The following SEC62 variants were observed in gnomAD, a reference collection of about 807,000 sequenced individuals.
SEC62 encodes the protein translocation protein SEC62.
A neutral mutation model predicts 47.5 loss-of-function variants in SEC62; 10 were observed. That is an observed-to-expected ratio of 0.21 (90% CI 0.13 to 0.36). The LOEUF (loss-of-function observed/expected upper bound fraction) is 0.36. Ranked by LOEUF, SEC62 falls within the 10% of genes least tolerant of loss-of-function variation. The pLI, the probability that SEC62 is intolerant of heterozygous loss-of-function variation, is 1.00. For synonymous variants in SEC62, 136 were observed against 150.5 expected, an observed-to-expected ratio of 0.90 and a Z score of 0.71; for missense variants, 327 against 464.1, an observed-to-expected ratio of 0.70 and a Z score of 2.71.
intron 1 of SEC62, among the ~76,000 whole-genome samples, chr3:169,975,280 C>CAA (rs5854360): frequency 1.3e-3 from 91 of 70,522 alleles, no homozygotes; most frequent in East Asian, 2.2e-3. Flanking sequence ...GACTCCATCT[C>CAA]AAAAAAAAAA....
rs146851928 is a variant in SEC62, at chr3:169,997,420, CTT to C, written c.*4359_*4360del. ...TCATTTTCAATGATTTCCTAGATCACTTTAACTTTTTTGTGTCATGGACTCCT... is the reference window on the plus strand; with the variant it reads ...TCATTTTCAATGATTTCCTAGATCACTAACTTTTTTGTGTCATGGACTCCT... On this transcript the variant is annotated 3_prime_UTR_variant, in exon 8 of 8. Coordinates refer to ENST00000337002, the MANE Select transcript of SEC62 (RefSeq NM_003262.4). 9.4e-4 allele frequency: 143 copies of C among 152,248 alleles called. 1 individual carries two copies. The highest frequency in any genetic ancestry group is 3.4e-3 in the African/African-American group (143 of 41,534). 9.4% of individuals were successfully genotyped at this position (152,248 alleles called of 1,614,324 possible). A position where few individuals can be genotyped will look rare whatever the true frequency, so the allele number is the denominator to read the frequency against.
chr3:169,967,166 G>T (rs1714551102), intron 1 of SEC62, among the ~76,000 whole-genome samples: 1 of 152,190 alleles, frequency 6.6e-6, no homozygotes, highest in Admixed American at 6.5e-5. Flanking sequence ...CGCTGTCCCG[G>T]GCCTGAGCTG....
chr3:169,983,180 C>A lies in SEC62; in HGVS notation c.476C>A (p.Pro159His), dbSNP rs745741130. 6.2e-7 allele frequency: 1 copy of A among 1,611,294 alleles called. No individual in the cohort carries two copies. The highest frequency in any genetic ancestry group is 8.5e-7 in the Non-Finnish European group (1 of 1,178,560). ...ESKKEETPGT[P>H]KKKETKKKFK... Reference sequence around the variant, plus strand: ...TCATAGGAGGAAACTCCAGGAACTCCTAAAAAGAAGGAAACTAAGAAAAAA... The same window carrying A: ...TCATAGGAGGAAACTCCAGGAACTCATAAAAAGAAGGAAACTAAGAAAAAA... Residue 159 changes from proline to histidine, a missense_variant, in exon 5 of 8, where the codon CCT becomes CAT. This residue lies in a region of SEC62 where 99 missense variants were observed against 194.0 expected (regional missense o/e 0.51). Transcript: ENST00000337002.
At chr3:169,971,801 GTATATT>G (rs1714705547) in intron 1 of SEC62, among the ~76,000 whole-genome samples, 1 of 152,160 alleles carries the variant, frequency 6.6e-6, no homozygotes, top group Non-Finnish European at 1.5e-5. Flanking sequence ...CAGTAGATTA[GTATATT>G]TATGTCTGTA....
Position 169,985,849 on chromosome 3 carries a change from C to G in SEC62, c.594C>G (p.Val198=). ...IYDPVHFKTF[V]MGLILVIAVI... ...ACCCAGTTCACTTTAAAACATTTGT[C>G]ATGGGATTAATTCTTGGTAAGTAGT... Residue 198 remains valine (V), a synonymous_variant, in exon 6 of 8, where the codon GTC becomes GTG. Coordinates refer to ENST00000337002, the MANE Select transcript of SEC62 (RefSeq NM_003262.4). 2 of 1,611,502 alleles carry G rather than the reference C, an allele frequency of 1.2e-6. No individual in the cohort carries two copies. Among genetic ancestry groups the G allele is most frequent in the Non-Finnish European group, 1.7e-6 (2 of 1,178,506 alleles).
At chr3:169,977,171 A>G (rs1033737722) in intron 3 of SEC62, 120 bp downstream of exon 3, 9 of 541,420 alleles carry the variant, frequency 1.7e-5, no homozygotes, top group Non-Finnish European at 2.5e-5. Context: ...CTGTTTTCAC[A>G]TGTAACCTGA....
chr3:169,989,975 GA>G (rs1192841052), intron 7 of SEC62, among the ~76,000 whole-genome samples: 12 of 145,262 alleles, frequency 8.3e-5, no homozygotes, highest in Admixed American at 2.8e-4. Context: ...TATTATATAT[GA>G]ATATATATGA....
chr3:169,982,875 G>C lies in SEC62; in HGVS notation c.420G>C (p.Glu140Asp). Residue 140 changes from glutamate to aspartate, a missense_variant, in exon 4 of 8, where the codon GAG (glutamate) becomes GAC (aspartate). Coordinates refer to ENST00000337002, the MANE Select transcript of SEC62 (RefSeq NM_003262.4). ...IKDEKTKKEKEKKKDGEKEES... is the reference protein window; with the variant it reads ...IKDEKTKKEKDKKKDGEKEES... ...ATGAGAAGACAAAAAAAGAAAAAGA[G>C]AAAAAAAAAGATGGTGAAAAGGAAG... 1 of 1,531,682 alleles carries C rather than the reference G, an allele frequency of 6.5e-7. No homozygotes were observed. Among genetic ancestry groups the C allele is most frequent in the Non-Finnish European group, 8.7e-7 (1 of 1,144,484 alleles). 94.9% of individuals were successfully genotyped at this position (1,531,682 alleles called of 1,614,324 possible). A position where few individuals can be genotyped will look rare whatever the true frequency, so the allele number is the denominator to read the frequency against.
intron 3 of SEC62, among the ~76,000 whole-genome samples, chr3:169,981,786 G>A (rs1010427692): frequency 6.6e-6 from 1 of 152,206 alleles, no homozygotes; most frequent in Non-Finnish European, 1.5e-5. Flanking sequence ...TTACCGTCTA[G>A]TGAAGGAGCA....
At chr3:169,977,168 C>A in intron 3 of SEC62, 117 bp downstream of exon 3, 1 of 552,774 alleles carries the variant, frequency 1.8e-6, no homozygotes, top group Non-Finnish European at 3.1e-6. Flanking sequence ...ATACTGTTTT[C>A]ACATGTAACC....
intron 6 of SEC62, among the ~76,000 whole-genome samples, chr3:169,987,852 T>C (rs1486260424): frequency 6.6e-6 from 1 of 152,178 alleles, no homozygotes; most frequent in African/African-American, 2.4e-5. Context: ...AAATCATTTT[T>C]TGTTGGCTTT....
chr3:169,968,503 C>T (rs577737003), intron 1 of SEC62: 3 of 151,256 alleles, frequency 2.0e-5, no homozygotes, highest in African/African-American at 4.9e-5. Flanking sequence ...TTTTACCTCC[C>T]TGTCTGCATC....
rs530272962 is a variant in SEC62, at chr3:169,972,048, T to C, written c.37-3560T>C. On this transcript the variant is annotated intron_variant, in intron 1 of 7. Coordinates refer to ENST00000337002, the MANE Select transcript of SEC62 (RefSeq NM_003262.4). ...TTTCTTTCCCATTTATAGTCCAGTA[T>C]CACACTACAATTTACTTGAATATTA... Among the ~76,000 whole-genome samples the C allele has an allele frequency of 7.0e-4, 107 of 152,346 alleles. 2 individuals carry two copies. In the South Asian group the frequency reaches 0.022, roughly 32 times the overall value.
At chr3:169,969,209 G>A (rs982124116) in intron 1 of SEC62, 3 of 428,054 alleles carry the variant, frequency 7.0e-6, no homozygotes, top group Non-Finnish European at 9.4e-6. Flanking sequence ...TGCACATTGG[G>A]GAGAAATGTT....
Position 169,992,852 on chromosome 3 carries a change from A to G in SEC62, c.989A>G (p.His330Arg). The G allele has an allele frequency of 1.2e-6, 2 of 1,614,104 alleles. No homozygotes were observed. Among genetic ancestry groups the G allele is most frequent in the Middle Eastern group, 3.3e-4 (2 of 6,062 alleles). The change falls in exon 8 of 8, where the codon CAT (histidine) becomes CGT (arginine). Residue 330 changes from histidine (H) to arginine (R), a missense_variant. Around this residue, in one of 3 missense-constraint regions of SEC62, gnomAD observed 102 missense variants for 108.8 expected, o/e 0.94. Coordinates refer to ENST00000337002, the MANE Select transcript of SEC62 (RefSeq NM_003262.4). The surrounding 1 kb of genome is among the most constrained non-coding windows in gnomAD (Gnocchi z 4.0). ...GAGGGGAAAGTAGGACCAGGAAATC[A>G]TGGAACAGAAGGCTCGGGGGGAGAA... ...DEEGKVGPGN[H>R]GTEGSGGERH...
intron 7 of SEC62, 60 bp downstream of exon 7, chr3:169,988,419 A>G (rs1715159213): frequency 1.2e-5 from 19 of 1,565,978 alleles, no homozygotes; most frequent in Non-Finnish European, 1.7e-5. Flanking sequence ...GTTGGACTGT[A>G]ATTTGGAGCT....
rs1262248899 is a variant in SEC62 at position 169,995,043 on chromosome 3, C to G, written c.*1980C>G. On this transcript the variant is annotated 3_prime_UTR_variant, in exon 8 of 8. Coordinates refer to ENST00000337002, the MANE Select transcript of SEC62 (RefSeq NM_003262.4). The stretch of plus-strand genomic sequence containing the variant: ...TCAGCTCAGTTTCTATTTTACTATT[C>G]AAGTTGTGTACTTTAAACAAATATA... The G allele has an allele frequency of 1.3e-5, 2 of 152,120 alleles. No homozygotes were observed. The highest frequency in any genetic ancestry group is 4.8e-5 in the African/African-American group (2 of 41,428). The allele number at this position is 152,120 out of a possible 1,614,324, so 9.4% of individuals were successfully genotyped here. A position where few individuals can be genotyped will look rare whatever the true frequency, so the allele number is the denominator to read the frequency against.
At chr3:169,988,415 C>T in intron 7 of SEC62, 56 bp downstream of exon 7, 2 of 1,579,770 alleles carry the variant, frequency 1.3e-6, no homozygotes, top group African/African-American at 1.3e-5. Context: ...AGCAGTTGGA[C>T]TGTAATTTGG....
At chr3:169,969,592 G>A (rs114247792) in intron 1 of SEC62, among the ~76,000 whole-genome samples, 4,497 of 152,142 alleles carry the variant, frequency 0.03, 245 homozygotes, top group African/African-American at 0.1. Flanking sequence ...CAACACCCTC[G>A]TTTTTCAGAT....
Sources: allele counts gnomAD v4.1 joint callset (sites outside exome capture counted in the v4.1 genomes callset), GRCh38; gene constraint gnomAD v4.1.1; regional missense constraint gnomAD v4.1.1; non-coding constraint Gnocchi (gnomAD v3.1); transcripts MANE v1.5; gene names NCBI Gene and HGNC (gene_info 2026-07-23, HGNC 2026-07-21).